Variants in ANAPC1 observed in about 807,000 individuals in gnomAD.
The protein encoded by ANAPC1 is anaphase promoting complex subunit 1.
A neutral mutation model predicts 208.0 loss-of-function variants in ANAPC1; 36 were observed. That is an observed-to-expected ratio of 0.17 (90% CI 0.13 to 0.23). The LOEUF is 0.23. ANAPC1 is among the 10% of genes least tolerant of loss of function. ANAPC1 has a pLI of 1.00. For synonymous variants in ANAPC1, 378 were observed against 695.2 expected, an observed-to-expected ratio of 0.54 and a Z score of 7.18; for missense variants, 942 against 2,011.6, an observed-to-expected ratio of 0.47 and a Z score of 10.17.
intron 9 of ANAPC1, 96 bp downstream of exon 9, chr2:111,863,579 A>G: frequency 8.1e-7 from 1 of 1,231,872 alleles, no homozygotes; most frequent in Non-Finnish European, 1.1e-6. Flanking sequence ...CATCTCCCCT[A>G]AATATATTTC....
At chr2:111,787,476 A>G (rs1008824710) in intron 39 of ANAPC1, among the ~76,000 whole-genome samples, 3 of 151,836 alleles carry the variant, frequency 2.0e-5, no homozygotes, top group South Asian at 2.1e-4. Flanking sequence ...GGTTACTGTG[A>G]TAAGTGCTCC....
Position 111,808,776 on chromosome 2 carries a change from A to G in ANAPC1, c.3832+171T>C, listed in dbSNP as rs544305860. Among the ~76,000 whole-genome samples, 1,197 of 152,124 alleles carry G rather than the reference A, an allele frequency of 7.9e-3. 9 individuals carry two copies. The highest frequency in any genetic ancestry group is 0.014 in the Middle Eastern group (4 of 294). ...ACCTGCAGTTACATTAGCCTTGGAT[A>G]ACATTACTTAGAGTTTTGTTGTTTT... On this transcript the variant is annotated intron_variant, in intron 29 of 47. Transcript: ENST00000341068.
intron 20 of ANAPC1, among the ~76,000 whole-genome samples, chr2:111,832,476 G>A (rs1400116075): frequency 6.6e-6 from 1 of 152,160 alleles, no homozygotes; most frequent in Admixed American, 6.5e-5. Context: ...GAGATGTTCT[G>A]TGTCTGTATC....
At chr2:111,784,166 G>T (rs1220671952) in intron 41 of ANAPC1, among the ~76,000 whole-genome samples, 157 bp downstream of exon 41, 2 of 151,976 alleles carry the variant, frequency 1.3e-5, no homozygotes, top group Non-Finnish European at 2.9e-5. Context: ...TCTAAGAAAA[G>T]ACTTGCTCTA....
intron 13 of ANAPC1, among the ~76,000 whole-genome samples, chr2:111,853,249 T>C (rs548331554): frequency 1.3e-5 from 2 of 152,332 alleles, no homozygotes; most frequent in East Asian, 3.9e-4. Context: ...GAACACTTCT[T>C]ATAACCAACA....
chr2:111,880,548 C>T, intron 2 of ANAPC1, 65 bp downstream of exon 2: 1 of 1,510,900 alleles, frequency 6.6e-7, no homozygotes, highest in South Asian at 1.3e-5. Flanking sequence ...ATCTTAGTAG[C>T]CTTAAATTAC....
chr2:111,767,178 A>G (rs28706576), downstream of ANAPC1, among the ~76,000 whole-genome samples: 899 of 148,722 alleles, frequency 6.0e-3, 16 homozygotes, highest in African/African-American at 0.021. Flanking sequence ...TGTAACTGGC[A>G]TAAGATCCTC....
At chr2:111,771,783 A>AT (rs1051890350) in intron 47 of ANAPC1, among the ~76,000 whole-genome samples, 7 of 151,790 alleles carry the variant, frequency 4.6e-5, no homozygotes, top group Non-Finnish European at 7.4e-5. Flanking sequence ...ATCAAAAAAT[A>AT]TTTTTTTTGA....
At position 111,831,379 on chromosome 2, in the gene ANAPC1, A is replaced by T; in HGVS notation, c.2532T>A (p.Ile844=). The stretch of plus-strand genomic sequence containing the variant: ...TCAGACAAGAACTCACCCACTGATA[A>T]ATACTTGGTGGCTCAGACGTAAAAA... ...PSFFTSEPPS[I]YQWVSSCLKG... is the part of the protein sequence containing the mutation. Residue 844 remains isoleucine, a synonymous_variant, in exon 21 of 48, where the codon ATT becomes ATA. Coordinates refer to ENST00000341068, the MANE Select transcript of ANAPC1 (RefSeq NM_022662.4). The T allele has an allele frequency of 1.9e-6, 3 of 1,611,908 alleles. No homozygotes were observed. Among genetic ancestry groups the T allele is most frequent in the Non-Finnish European group, 2.5e-6 (3 of 1,179,810 alleles).
At chr2:111,770,940 A>G (rs1321867926) in intron 47 of ANAPC1, 1 of 153,682 alleles carries the variant, frequency 6.5e-6, no homozygotes, top group East Asian at 1.9e-4. Flanking sequence ...GTAATTTTTG[A>G]TTCAACACTG....
Position 111,838,482 on chromosome 2 carries a change from T to G in ANAPC1, c.2071A>C (p.Ile691Leu). The G allele has an allele frequency of 6.2e-7, 1 of 1,607,510 alleles. No homozygotes were observed. The highest frequency in any genetic ancestry group is 8.5e-7 in the Non-Finnish European group (1 of 1,178,128). Reference protein sequence around the residue: ...FDFEGSLSPVIAPKKARPSET... With the variant: ...FDFEGSLSPVLAPKKARPSET... ...GAAGGCCTTGCTTTTTTGGGCGCAA[T>G]GACAGGAGAAAGTGATCCTTCAAAG... is the stretch of plus-strand genomic sequence containing the variant. The change falls in exon 18 of 48, where the codon ATT (isoleucine) becomes CTT (leucine). Residue 691 changes from isoleucine to leucine, a missense_variant. Coordinates refer to ENST00000341068, the MANE Select transcript of ANAPC1 (RefSeq NM_022662.4).
At chr2:111,820,752 G>T (rs1679485552) in intron 26 of ANAPC1, among the ~76,000 whole-genome samples, 1 of 148,082 alleles carries the variant, frequency 6.8e-6, no homozygotes. Context: ...ATCCTGTGCA[G>T]GGGAGTGGCA....
intron 29 of ANAPC1, among the ~76,000 whole-genome samples, chr2:111,807,645 T>C (rs1678752741): frequency 1.3e-5 from 2 of 152,106 alleles, no homozygotes; most frequent in South Asian, 4.1e-4. Context: ...TGAGCCAAGA[T>C]TGCACCACTG....
chr2:111,829,898 C>T lies in ANAPC1; in HGVS notation c.2625+1388G>A, dbSNP rs1227441889. Among the ~76,000 whole-genome samples, 9 of 151,736 alleles carry T rather than the reference C, an allele frequency of 5.9e-5. No homozygotes were observed. The South Asian group carries it at 1.2e-3, about 21-fold the overall frequency. On this transcript the variant is annotated intron_variant, in intron 21 of 47. Transcript: ENST00000341068. Reference sequence around the variant, plus strand: ...CAGCCTGGACAATATGGTGAAACCCCGTCTCTACTAAAAATACAAAAAATT... The same window carrying T: ...CAGCCTGGACAATATGGTGAAACCCTGTCTCTACTAAAAATACAAAAAATT...
chr2:111,820,718 G>A, intron 26 of ANAPC1, among the ~76,000 whole-genome samples: 1 of 142,048 alleles, frequency 7.0e-6, no homozygotes, highest in East Asian at 2.1e-4. Context: ...AGGCATGTGA[G>A]TCTTATAATG....
chr2:111,842,116 CA>C (rs1360444395), intron 17 of ANAPC1, among the ~76,000 whole-genome samples: 1 of 152,154 alleles, frequency 6.6e-6, no homozygotes, highest in Non-Finnish European at 1.5e-5. Flanking sequence ...AACAGATTCA[CA>C]AGGTACAATT....
intron 26 of ANAPC1, among the ~76,000 whole-genome samples, chr2:111,820,035 CCCCTGAATATAAGATGCCACTG>C (rs1175631971): frequency 6.6e-6 from 1 of 152,114 alleles, no homozygotes; most frequent in African/African-American, 2.4e-5. Flanking sequence ...AATATTATAT[CCCCTGAATATAAGATGCCACTG>C]ATAAGATGTA....
At chr2:111,792,090 G>A (rs991117200) in intron 38 of ANAPC1, among the ~76,000 whole-genome samples, 2 of 152,070 alleles carry the variant, frequency 1.3e-5, no homozygotes, top group African/African-American at 4.8e-5. Context: ...AACCAGGTGG[G>A]CACAAGCAGT....
chr2:111,843,280 C>A (rs1429752812), intron 17 of ANAPC1, 132 bp downstream of exon 17: 2 of 831,638 alleles, frequency 2.4e-6, no homozygotes, highest in African/African-American at 1.7e-5. Context: ...TATATAGATA[C>A]AATAAACCTT....
Sources: allele counts gnomAD v4.1 joint callset (sites outside exome capture counted in the v4.1 genomes callset), GRCh38; gene constraint gnomAD v4.1.1; transcripts MANE v1.5; gene names NCBI Gene and HGNC (gene_info 2026-07-23, HGNC 2026-07-21).